B2M: variants seen among roughly 807,000 people sequenced by gnomAD.
The protein encoded by B2M is beta chain of MHC class I molecules.
Under a neutral mutation model 14.5 loss-of-function variants are expected in B2M, and 3 were observed. That is an observed-to-expected ratio of 0.21 (90% confidence interval 0.09 to 0.53). The LOEUF (loss-of-function observed/expected upper bound fraction) is 0.53. B2M is among the 20% of genes least tolerant of loss of function. The pLI is 0.95. For missense variants in B2M, 107 were observed against 140.8 expected, an observed-to-expected ratio of 0.76 and a Z score of 1.21; for synonymous variants, 45 against 52.7, an observed-to-expected ratio of 0.85 and a Z score of 0.64.
intron 1 of B2M, chr15:44,714,861 C>G (rs992595113): frequency 1.6e-5 from 3 of 190,604 alleles, no homozygotes; most frequent in African/African-American, 7.2e-5. Context: ...CTAGACACTT[C>G]ATACAGTTTA....
At chr15:44,715,047 CTCT>C (rs1031059499) in intron 1 of B2M, 8 of 331,222 alleles carry the variant, frequency 2.4e-5, no homozygotes, top group African/African-American at 1.7e-4. Flanking sequence ...ATCATGTAGA[CTCT>C]TGAGTGATGT....
chr15:44,714,569 A>G (rs2086921021), intron 1 of B2M: 1 of 152,234 alleles, frequency 6.6e-6, no homozygotes, highest in East Asian at 1.9e-4. Context: ...AGCCTGGCCA[A>G]CATGGTGAAA....
intron 2 of B2M, 197 bp downstream of exon 2, chr15:44,715,898 G>A (rs558791062): frequency 4.1e-6 from 3 of 725,452 alleles, no homozygotes; most frequent in East Asian, 5.4e-5. Flanking sequence ...CTGAGATACT[G>A]ATGCACAGCA....
At position 44,715,419 on chromosome 15, in the gene B2M, T is replaced by C. The variant is rs879025633; in HGVS notation, c.68-4T>C. 17 of 1,613,310 alleles carry C rather than the reference T, an allele frequency of 1.1e-5. No individual in the cohort carries two copies. The highest frequency in any genetic ancestry group is 2.2e-5 in the East Asian group (1 of 44,880). Reference sequence around the variant, plus strand: ...TTAATGTGTCTTTTCCCGATATTCCTCAGGTACTCCAAAGATTCAGGTTTA... The same window carrying C: ...TTAATGTGTCTTTTCCCGATATTCCCCAGGTACTCCAAAGATTCAGGTTTA... On this transcript the variant is annotated splice_polypyrimidine_tract_variant and splice_region_variant and intron_variant, in intron 1 of 3. Coordinates refer to ENST00000648006, the MANE Select transcript of B2M (RefSeq NM_004048.4).
intron 1 of B2M, chr15:44,712,715 G>A (rs1458377677): frequency 6.6e-6 from 1 of 152,324 alleles, no homozygotes. Context: ...AAAACATGAG[G>A]GGGTTGGGCG....
At chr15:44,715,771 A>C in intron 2 of B2M, 70 bp downstream of exon 2, 3 of 1,590,012 alleles carry the variant, frequency 1.9e-6, no homozygotes, top group Non-Finnish European at 2.6e-6. Flanking sequence ...AGCTGCTTTG[A>C]TATAAAAAAG....
chr15:44,715,182 A>T, intron 1 of B2M: 1 of 583,284 alleles, frequency 1.7e-6, no homozygotes, highest in Non-Finnish European at 3.0e-6. Flanking sequence ...TCTGCTAGAA[A>T]AAAAACAAAA....
Position 44,711,584 on chromosome 15 carries a change from T to C in B2M, c.38T>C (p.Leu13Pro), listed in dbSNP as rs752758095. 1 of 1,613,980 alleles carries C rather than the reference T, an allele frequency of 6.2e-7. No homozygotes were observed. The highest frequency in any genetic ancestry group is 8.5e-7 in the Non-Finnish European group (1 of 1,180,022). ...GTGGCCTTAGCTGTGCTCGCGCTAC[T>C]CTCTCTTTCTGGCCTGGAGGCTATC... ...RSVALAVLAL[L>P]SLSGLEAIQR... is the part of the protein sequence containing the mutation. Residue 13 changes from leucine to proline, a missense_variant, in exon 1 of 4, where the codon CTC becomes CCC. Physicochemically the swap from Leu to Pro is moderately conservative, Grantham distance 98. Coordinates refer to ENST00000648006, the MANE Select transcript of B2M (RefSeq NM_004048.4).
intron 2 of B2M, chr15:44,716,093 T>A (rs2086938061): frequency 3.3e-6 from 2 of 612,340 alleles, no homozygotes; most frequent in African/African-American, 3.7e-5. Flanking sequence ...TAAGTCCTGC[T>A]GTCCTAGCAT....
chr15:44,716,792 G>T, intron 3 of B2M: 1 of 176,524 alleles, frequency 5.7e-6, no homozygotes, highest in Non-Finnish European at 1.2e-5. Flanking sequence ...TCCTGTATGG[G>T]GACTGTGTTT....
Position 44,716,355 on chromosome 15 carries a change from A to T in B2M, c.*13A>T, listed in dbSNP as rs968030387. 6.2e-7 allele frequency: 1 copy of T among 1,611,420 alleles called. No individual in the cohort carries two copies. The highest frequency in any genetic ancestry group is 8.5e-7 in the Non-Finnish European group (1 of 1,177,726). On this transcript the variant is annotated splice_region_variant and 3_prime_UTR_variant, in exon 3 of 4. Transcript: ENST00000648006. ...TCGAGACATGTAAGCAGCATCATGG[A>T]GGTAAGTTTTTGACCTTGAGAAAAT...
At chr15:44,712,057 G>A (rs1289724711) in intron 1 of B2M, 2 of 332,366 alleles carry the variant, frequency 6.0e-6, no homozygotes, top group East Asian at 7.7e-5. Context: ...GGGGTCTGGG[G>A]GAGGCGTCGC....
chr15:44,711,686 C>G (rs2086869903), intron 1 of B2M, 73 bp downstream of exon 1: 1 of 1,519,336 alleles, frequency 6.6e-7, no homozygotes, highest in Non-Finnish European at 9.1e-7. Context: ...TCGCTGTGCT[C>G]TCTCGCTCCG....
At chr15:44,717,249 C>G (rs1248514133) in intron 3 of B2M, 1 of 152,230 alleles carries the variant, frequency 6.6e-6, no homozygotes, top group African/African-American at 2.4e-5. Flanking sequence ...GACTACAAAC[C>G]TGTACAGCCT....
Position 44,716,765 on chromosome 15 carries a change from C to T in B2M, c.*14+409C>T, listed in dbSNP as rs1478798395. ...CAGACAGAAGAGAGGAGTTATACAGCTCTGCAGACATCCCATTCCTGTATG... is the reference window on the plus strand; with the variant it reads ...CAGACAGAAGAGAGGAGTTATACAGTTCTGCAGACATCCCATTCCTGTATG... On this transcript the variant is annotated intron_variant, in intron 3 of 3. Transcript: ENST00000648006. 1.4e-5 allele frequency: 3 copies of T among 208,078 alleles called. No individual in the cohort carries two copies. The Admixed American group carries it at 1.6e-4, about 11-fold the overall frequency. The allele number at this position is 208,078 out of a possible 1,614,324, so 12.9% of individuals were successfully genotyped here.
rs1158173076 is a variant in B2M at position 44,715,517 on chromosome 15, C to T, written c.162C>T (p.Asp54=). The T allele has an allele frequency of 6.2e-7, 1 of 1,614,138 alleles. No homozygotes were observed. Among genetic ancestry groups the T allele is most frequent in the South Asian group, 1.1e-5 (1 of 91,078 alleles). ...ATGTGTCTGGGTTTCATCCATCCGA[C>T]ATTGAAGTTGACTTACTGAAGAATG... ...NCYVSGFHPS[D]IEVDLLKNGE... The change falls in exon 2 of 4, where the codon GAC becomes GAT. Residue 54 remains aspartate (D), a synonymous_variant. Coordinates refer to ENST00000648006, the MANE Select transcript of B2M (RefSeq NM_004048.4).
In B2M at chr15:44,715,732, A is replaced by G. The variant is rs144928289; in HGVS notation, c.346+31A>G. 2,191 of 1,613,340 alleles carry G rather than the reference A, an allele frequency of 1.4e-3. 3 individuals carry two copies. The highest frequency in any genetic ancestry group is 1.7e-3 in the Non-Finnish European group (2,024 of 1,179,558). On this transcript the variant is annotated intron_variant, in intron 2 of 3. Coordinates refer to ENST00000648006, the MANE Select transcript of B2M (RefSeq NM_004048.4). ...TCTTACATTCTTTTGTAAGCTGCTGAAAGTTGTGTATGAGTAGTCATATCA... is the reference window on the plus strand; with the variant it reads ...TCTTACATTCTTTTGTAAGCTGCTGGAAGTTGTGTATGAGTAGTCATATCA...
chr15:44,711,742 A>G, intron 1 of B2M, 129 bp downstream of exon 1: 1 of 1,213,392 alleles, frequency 8.2e-7, no homozygotes, highest in Non-Finnish European at 1.2e-6. Context: ...CCGTGGGGCT[A>G]GTCCAGGGCT....
chr15:44,716,457 C>T (rs1463124871), intron 3 of B2M, 101 bp downstream of exon 3: 3 of 1,247,636 alleles, frequency 2.4e-6, no homozygotes, highest in Non-Finnish European at 3.5e-6. Flanking sequence ...AGAACATTGA[C>T]AGAGTAACAT....
Sources: allele counts gnomAD v4.1 joint callset, GRCh38; gene constraint gnomAD v4.1.1; transcripts MANE v1.5; gene names NCBI Gene and HGNC (gene_info 2026-07-23, HGNC 2026-07-21).